ZDHHC20: variants seen among roughly 807,000 people sequenced by gnomAD.
ZDHHC20 encodes zDHHC palmitoyltransferase 20.
Under a neutral mutation model 57.8 loss-of-function variants are expected in ZDHHC20, and 43 were observed. The ratio of observed to expected loss-of-function variants is 0.74; its 90% CI spans 0.58 to 0.96. ZDHHC20 has a LOEUF of 0.96. Among genes scored for constraint, ZDHHC20 ranks in the 40% least tolerant of loss-of-function variants. ZDHHC20 has a pLI of 0.00. For synonymous variants in ZDHHC20, 157 were observed against 153.0 expected (o/e 1.03, Z -0.19); for missense variants, 391 against 441.1 (o/e 0.89, Z 1.02).
intron 2 of ZDHHC20, among the ~76,000 whole-genome samples, chr13:21,425,024 G>T (rs1881094022): frequency 6.6e-6 from 1 of 152,070 alleles, no homozygotes; most frequent in Non-Finnish European, 1.5e-5. Flanking sequence ...GAAATCCTCT[G>T]GAGTTTTGTA....
Position 21,401,202 on chromosome 13 carries a change from C to T in ZDHHC20, c.473+451G>A, listed in dbSNP as rs1877576937. Among the ~76,000 whole-genome samples the T allele has an allele frequency of 2.0e-5, 3 of 151,870 alleles. No individual in the cohort carries two copies. The South Asian group carries it at 6.2e-4, about 32-fold the overall frequency. On this transcript the variant is annotated intron_variant, in intron 6 of 12. Coordinates refer to ENST00000400590, the MANE Select transcript of ZDHHC20 (RefSeq NM_001330059.2). The stretch of plus-strand genomic sequence containing the variant: ...ACTGAGGTGGAAGAATCACCTGAGC[C>T]CAGAAGGTCAAGGCTGCAGTGAGAC...
Position 21,425,651 on chromosome 13 carries a change from C to T in ZDHHC20, c.145+1G>A. The T allele has an allele frequency of 8.4e-7, 1 of 1,185,198 alleles. No individual in the cohort carries two copies. Among genetic ancestry groups the T allele is most frequent in the Non-Finnish European group, 1.1e-6 (1 of 881,576 alleles). 73.4% of individuals were successfully genotyped at this position (1,185,198 alleles called of 1,614,324 possible). On this transcript the variant is annotated splice_donor_variant, in intron 2 of 12. Transcript: ENST00000400590. LOFTEE classifies it high-confidence loss of function. ...TTAAATTGAAACTAAAAGTGCCTTA[C>T]CATTTTCTTCATTTCCAAAAATAGT...
In ZDHHC20 at chr13:21,375,460, A is replaced by T; in HGVS notation, c.*1236T>A. On this transcript the variant is annotated 3_prime_UTR_variant, in exon 13 of 13. Transcript: ENST00000400590. ...GTTAATGCAACACCTCCTGTCGCTTAGATTTTAAAAGGAAAAAGGAGAAAT... is the reference window on the plus strand; with the variant it reads ...GTTAATGCAACACCTCCTGTCGCTTTGATTTTAAAAGGAAAAAGGAGAAAT... 4.4e-6 allele frequency: 1 copy of T among 227,292 alleles called. No homozygotes were observed. The highest frequency in any genetic ancestry group is 8.8e-6 in the Non-Finnish European group (1 of 113,600). 14.1% of individuals were successfully genotyped at this position (227,292 alleles called of 1,614,324 possible). A position where few individuals can be genotyped will look rare whatever the true frequency, so the allele number is the denominator to read the frequency against.
intron 3 of ZDHHC20, among the ~76,000 whole-genome samples, chr13:21,420,271 G>C (rs1880502702): frequency 6.6e-6 from 1 of 152,160 alleles, no homozygotes; most frequent in African/African-American, 2.4e-5. Flanking sequence ...TGGGTGACAA[G>C]AGCGAAACTC....
intron 12 of ZDHHC20, 106 bp downstream of exon 12, chr13:21,378,555 T>C: frequency 1.9e-6 from 1 of 527,882 alleles, no homozygotes; most frequent in Non-Finnish European, 2.9e-6. Context: ...CTAATTTTGC[T>C]GATATAATTA....
intron 1 of ZDHHC20, among the ~76,000 whole-genome samples, chr13:21,446,038 G>C (rs1566114487): frequency 6.6e-6 from 1 of 152,170 alleles, no homozygotes; most frequent in Non-Finnish European, 1.5e-5. Flanking sequence ...GTGGCCTGTT[G>C]GCTGAAGCAG....
chr13:21,449,647 C>CTT (rs113924240), intron 1 of ZDHHC20, among the ~76,000 whole-genome samples: 111 of 144,348 alleles, frequency 7.7e-4, no homozygotes, highest in African/African-American at 2.6e-3. Context: ...TATTATTATA[C>CTT]TTTTTTTTTT....
chr13:21,449,498 G>A (rs1884232289), intron 1 of ZDHHC20, among the ~76,000 whole-genome samples: 1 of 152,104 alleles, frequency 6.6e-6, no homozygotes, highest in African/African-American at 2.4e-5. Context: ...AAGAGCTAAG[G>A]CAGAAGATGT....
chr13:21,393,699 C>CAAAGAA (rs1876219743), intron 7 of ZDHHC20, among the ~76,000 whole-genome samples: 3 of 63,414 alleles, frequency 4.7e-5, no homozygotes, highest in African/African-American at 2.3e-4. Context: ...GCAAGTCTCA[C>CAAAGAA]AAAAAAAAAA....
chr13:21,456,563 T>C (rs9509733), intron 1 of ZDHHC20, among the ~76,000 whole-genome samples: 14,514 of 152,168 alleles, frequency 0.095, 756 homozygotes, highest in African/African-American at 0.11. Context: ...TGAAAACAAA[T>C]ACATACAAGT....
chr13:21,425,627 T>C, intron 2 of ZDHHC20, 25 bp downstream of exon 2: 1 of 1,196,354 alleles, frequency 8.4e-7, no homozygotes, highest in South Asian at 1.6e-5. Flanking sequence ...GCATTTAACT[T>C]AAATTGAAAC....
At chr13:21,383,370 C>T (rs563660581) in intron 9 of ZDHHC20, among the ~76,000 whole-genome samples, 1 of 152,258 alleles carries the variant, frequency 6.6e-6, no homozygotes, top group Non-Finnish European at 1.5e-5. Context: ...TTGTTGTCTG[C>T]CACCATATAA....
intron 9 of ZDHHC20, among the ~76,000 whole-genome samples, chr13:21,385,551 A>C (rs891018956): frequency 6.6e-6 from 1 of 152,234 alleles, no homozygotes; most frequent in African/African-American, 2.4e-5. Context: ...GAAATTAACC[A>C]AAATGAAGCA....
In ZDHHC20 at chr13:21,447,365, G is replaced by A. The variant is rs562278866; in HGVS notation, c.118+11689C>T. The stretch of plus-strand genomic sequence containing the variant: ...GGAGCCGAAGCTGGACTGTACCGCT[G>A]CCATCTCGGCTCACTGCAACCTCCC... On this transcript the variant is annotated intron_variant, in intron 1 of 12. Transcript: ENST00000400590. Among the ~76,000 whole-genome samples, 738 of 149,426 alleles carry A rather than the reference G, an allele frequency of 4.9e-3. 10 individuals are homozygous for A. Among genetic ancestry groups the A allele is most frequent in the African/African-American group, 0.017 (698 of 40,842 alleles).
chr13:21,434,144 G>A (rs995076475), intron 1 of ZDHHC20, among the ~76,000 whole-genome samples: 2 of 151,910 alleles, frequency 1.3e-5, no homozygotes, highest in Admixed American at 6.6e-5. Flanking sequence ...CATTTTAAAA[G>A]GAAGATTAAA....
chr13:21,425,567 C>T (rs1449292543), intron 2 of ZDHHC20, 85 bp downstream of exon 2: 6 of 973,472 alleles, frequency 6.2e-6, no homozygotes, highest in Admixed American at 4.4e-5. Flanking sequence ...AACAAAAACA[C>T]ATGCATTCAT....
At chr13:21,430,656 T>A (rs901262531) in intron 1 of ZDHHC20, among the ~76,000 whole-genome samples, 3 of 152,190 alleles carry the variant, frequency 2.0e-5, no homozygotes, top group Non-Finnish European at 4.4e-5. Context: ...TTTTCTGTCT[T>A]ACTAGGTTGT....
intron 3 of ZDHHC20, among the ~76,000 whole-genome samples, chr13:21,414,226 GTCT>G (rs1879615890): frequency 1.0e-5 from 1 of 97,462 alleles, no homozygotes. Context: ...AGGCCAAGGA[GTCT>G]TTTTTTTTTT....
At chr13:21,441,220 G>T (rs1452380256) in intron 1 of ZDHHC20, among the ~76,000 whole-genome samples, 1 of 152,156 alleles carries the variant, frequency 6.6e-6, no homozygotes, top group Non-Finnish European at 1.5e-5. Flanking sequence ...TTCTGTCTAT[G>T]AACGTAAAGT....
Sources: allele counts gnomAD v4.1 joint callset (sites outside exome capture counted in the v4.1 genomes callset), GRCh38; gene constraint gnomAD v4.1.1; transcripts MANE v1.5; gene names NCBI Gene and HGNC (gene_info 2026-07-23, HGNC 2026-07-21).